The following TMEM245 variants were observed in gnomAD, a reference collection of about 807,000 sequenced individuals.
The protein encoded by TMEM245 is transmembrane protein 245.
A neutral mutation model predicts 101.2 loss-of-function variants in TMEM245; 69 were observed. That is an observed-to-expected ratio of 0.68 (90% CI 0.56 to 0.83). TMEM245 has a LOEUF of 0.83. Among genes scored for constraint, TMEM245 ranks in the 40% least tolerant of loss-of-function variants. The probability of loss-of-function intolerance (pLI) is 0.00; values close to 1 mark genes in which losing one functional copy is unlikely to be tolerated. For missense variants in TMEM245, 1,075 were observed against 1,092.8 expected (o/e 0.98, Z 0.23); for synonymous variants, 537 against 449.8 (o/e 1.19, Z -2.45).
Position 109,037,983 on chromosome 9 carries a change from T to C in TMEM245, c.2224+34A>G, listed in dbSNP as rs181821709. On this transcript the variant is annotated intron_variant, in intron 15 of 17. Transcript: ENST00000374586. ...GTAAAATGGCTTAACTTTCCTTAAA[T>C]AGCGAATAGTGGAAGGTACAATATG... is the stretch of plus-strand genomic sequence containing the variant. 4.4e-5 allele frequency: 65 copies of C among 1,491,262 alleles called. No homozygotes were observed. The South Asian group carries it at 6.5e-4, about 15-fold the overall frequency. 92.4% of individuals were successfully genotyped at this position (1,491,262 alleles called of 1,614,324 possible). A position where few individuals can be genotyped will look rare whatever the true frequency, so the allele number is the denominator to read the frequency against.
In TMEM245 at chr9:109,016,878, C is replaced by A. The variant is rs957909464; in HGVS notation, c.*3582G>T. On this transcript the variant is annotated 3_prime_UTR_variant, in exon 18 of 18. Transcript: ENST00000374586. The stretch of plus-strand genomic sequence containing the variant: ...ATTATTTTAAGGGTCTTAGGAGGCC[C>A]CTCAGAGGAGACTGCAAGGTCAGGG... The A allele has an allele frequency of 1.3e-5, 2 of 152,116 alleles. No homozygotes were observed. The highest frequency in any genetic ancestry group is 4.8e-5 in the African/African-American group (2 of 41,422). 9.4% of individuals were successfully genotyped at this position (152,116 alleles called of 1,614,324 possible).
At chr9:109,033,736 G>A (rs1183985325) in intron 16 of TMEM245, among the ~76,000 whole-genome samples, 1 of 152,102 alleles carries the variant, frequency 6.6e-6, no homozygotes, top group Non-Finnish European at 1.5e-5. Flanking sequence ...TATAGCTCCA[G>A]GAATGAAAGA....
chr9:109,098,698 A>T (rs1341887913), intron 3 of TMEM245, among the ~76,000 whole-genome samples: 1 of 152,228 alleles, frequency 6.6e-6, no homozygotes, highest in Non-Finnish European at 1.5e-5. Flanking sequence ...CACATAAACA[A>T]GGGAACATAA....
At chr9:109,034,181 A>T (rs1009605218) in intron 16 of TMEM245, among the ~76,000 whole-genome samples, 2 of 152,236 alleles carry the variant, frequency 1.3e-5, no homozygotes, top group Non-Finnish European at 2.9e-5. Flanking sequence ...CATCAGAAGG[A>T]CTGGGAAATA....
In TMEM245 at chr9:109,119,814, C is replaced by G; in HGVS notation, c.100G>C (p.Gly34Arg). The G allele has an allele frequency of 6.9e-7, 1 of 1,442,336 alleles. No homozygotes were observed. The allele number at this position is 1,442,336 out of a possible 1,614,324, so 89.3% of individuals were successfully genotyped here. ...PRAVGPSGGG[G>R]ETPRTAALAL... ...AGCGCCGCGGTCCGCGGGGTCTCCC[C>G]GCCACCGCCACTCGGCCCGACCGCG... is the stretch of plus-strand genomic sequence containing the variant. Residue 34 changes from glycine to arginine, a missense_variant, in exon 1 of 18, where the codon GGG becomes CGG. By Grantham distance (125) the Gly-to-Arg change is moderately radical (BLOSUM62 -2). Transcript: ENST00000374586.
Position 109,078,529 on chromosome 9 carries a change from G to C in TMEM245, c.1449+2310C>G, listed in dbSNP as rs535279972. 1.5e-3 allele frequency among the ~76,000 whole-genome samples: 224 copies of C among 152,278 alleles called. 1 individual carries two copies. Among genetic ancestry groups the C allele is most frequent in the African/African-American group, 5.0e-3 (209 of 41,562 alleles). On this transcript the variant is annotated intron_variant, in intron 8 of 17. Transcript: ENST00000374586. ...CAGTTTCACTGACTATAAAAGTATT[G>C]TTTGAGATTTCTCCCTATGACTTTA...
chr9:109,106,398 C>A (rs2132638253), intron 3 of TMEM245, 110 bp downstream of exon 3: 1 of 588,170 alleles, frequency 1.7e-6, no homozygotes, highest in Non-Finnish European at 2.8e-6. Flanking sequence ...ACTCAGAAAC[C>A]ATCATAGGTT....
At chr9:109,104,206 T>C (rs1416145726) in intron 3 of TMEM245, among the ~76,000 whole-genome samples, 1 of 152,202 alleles carries the variant, frequency 6.6e-6, no homozygotes, top group Non-Finnish European at 1.5e-5. Flanking sequence ...GGATTATTTA[T>C]AACAAAGGAT....
chr9:109,076,299 A>G (rs992597394), intron 8 of TMEM245, among the ~76,000 whole-genome samples: 2 of 146,802 alleles, frequency 1.4e-5, no homozygotes, highest in African/African-American at 2.5e-5. Flanking sequence ...CAAACACCAC[A>G]TGTTCTCACT....
At chr9:109,113,924 T>C (rs1830638494) in intron 1 of TMEM245, among the ~76,000 whole-genome samples, 1 of 152,114 alleles carries the variant, frequency 6.6e-6, no homozygotes, top group South Asian at 2.1e-4. Context: ...ACCCCGTCTC[T>C]ACTAAAAACA....
rs1455813471 is a variant in TMEM245, at chr9:109,117,306, C to CG, written c.579+2028dup. Among the ~76,000 whole-genome samples, 8 of 151,276 alleles carry CG rather than the reference C, an allele frequency of 5.3e-5. No homozygotes were observed. In the East Asian group the frequency reaches 1.6e-3, roughly 29 times the overall value. ...TTTTTTTTTGTATTTTTGGTAGAGA[C>CG]GGGGTTTCACCATGTTGGCCAGGCT... On this transcript the variant is annotated intron_variant, in intron 1 of 17. Transcript: ENST00000374586.
chr9:109,042,349 G>C (rs945661464), intron 14 of TMEM245: 3 of 152,058 alleles, frequency 2.0e-5, no homozygotes, highest in African/African-American at 7.3e-5. Context: ...GGATTTAAAG[G>C]AGAATCTGTT....
chr9:109,020,161 A>G lies in TMEM245; in HGVS notation c.*299T>C, dbSNP rs1827575651. The G allele has an allele frequency of 3.0e-6, 1 of 328,338 alleles. No homozygotes were observed. The highest frequency in any genetic ancestry group is 4.1e-5 in the South Asian group (1 of 24,128). 20.3% of individuals were successfully genotyped at this position (328,338 alleles called of 1,614,324 possible). On this transcript the variant is annotated 3_prime_UTR_variant, in exon 18 of 18. Coordinates refer to ENST00000374586, the MANE Select transcript of TMEM245 (RefSeq NM_032012.4). ...ATATAATATAGTAACATAGATAACCAAAGTGGAAAAATTTCAAGCCAGGGT... is the reference window on the plus strand; with the variant it reads ...ATATAATATAGTAACATAGATAACCGAAGTGGAAAAATTTCAAGCCAGGGT...
In TMEM245 at chr9:109,119,490, C is replaced by T. The variant is rs1254614106; in HGVS notation, c.424G>A (p.Ala142Thr). The change falls in exon 1 of 18, where the codon GCG (alanine) becomes ACG (threonine). Residue 142 changes from alanine to threonine, a missense_variant. Coordinates refer to ENST00000374586, the MANE Select transcript of TMEM245 (RefSeq NM_032012.4). ...AGGAGCAGGCGGCGGCGGCGCAGCGCCTGCTCGCCCAGGGCCTCGACGCCG... is the reference window on the plus strand; with the variant it reads ...AGGAGCAGGCGGCGGCGGCGCAGCGTCTGCTCGCCCAGGGCCTCGACGCCG... Reference protein sequence around the residue: ...DYGVEALGEQALRRRRLLLLL... With the variant: ...DYGVEALGEQTLRRRRLLLLL... 2 of 1,493,368 alleles carry T rather than the reference C, an allele frequency of 1.3e-6. No individual in the cohort carries two copies. The highest frequency in any genetic ancestry group is 4.7e-5 in the Admixed American group (2 of 42,588). The allele number at this position is 1,493,368 out of a possible 1,614,324, so 92.5% of individuals were successfully genotyped here.
intron 16 of TMEM245, among the ~76,000 whole-genome samples, chr9:109,034,694 C>T (rs1828065965): frequency 6.6e-6 from 1 of 152,170 alleles, no homozygotes; most frequent in African/African-American, 2.4e-5. Context: ...GATCCACCCA[C>T]CTCGGCCTCT....
In TMEM245 at chr9:109,018,589, T is replaced by C. The variant is rs1564162549; in HGVS notation, c.*1871A>G. ...TCATGGTAGCCTTTTCTAAATGAAATTTTTCTTAAGTAGTGTAAGAATAAA... is the reference window on the plus strand; with the variant it reads ...TCATGGTAGCCTTTTCTAAATGAAACTTTTCTTAAGTAGTGTAAGAATAAA... On this transcript the variant is annotated 3_prime_UTR_variant, in exon 18 of 18. Coordinates refer to ENST00000374586, the MANE Select transcript of TMEM245 (RefSeq NM_032012.4). 1 of 152,174 alleles carries C rather than the reference T, an allele frequency of 6.6e-6. No individual in the cohort carries two copies. 9.4% of individuals were successfully genotyped at this position (152,174 alleles called of 1,614,324 possible).
intron 3 of TMEM245, among the ~76,000 whole-genome samples, chr9:109,099,098 G>A (rs975014330): frequency 6.6e-6 from 1 of 152,146 alleles, no homozygotes; most frequent in Admixed American, 6.6e-5. Context: ...AGCAGGCACC[G>A]CATACCAAAT....
chr9:109,055,443 A>G (rs1263612324), intron 12 of TMEM245, among the ~76,000 whole-genome samples: 1 of 152,218 alleles, frequency 6.6e-6, no homozygotes, highest in Non-Finnish European at 1.5e-5. Flanking sequence ...GCCAAGGATC[A>G]CCAGACAGGT....
intron 17 of TMEM245, 139 bp downstream of exon 17, chr9:109,033,168 T>A (rs1588020632): frequency 1.1e-6 from 1 of 941,496 alleles, no homozygotes. Context: ...ATTTACTTAG[T>A]GTCTTCTGCA....
Sources: allele counts gnomAD v4.1 joint callset (sites outside exome capture counted in the v4.1 genomes callset), GRCh38; gene constraint gnomAD v4.1.1; transcripts MANE v1.5; gene names NCBI Gene and HGNC (gene_info 2026-07-23, HGNC 2026-07-21).